Variants in PTPN7 observed in about 807,000 individuals in gnomAD.
The protein encoded by PTPN7 is tyrosine-protein phosphatase non-receptor type 7.
In PTPN7, 33 loss-of-function variants were observed where a neutral mutation model predicts 50.3. That is an observed-to-expected ratio of 0.66 (90% CI 0.50 to 0.88). The LOEUF (loss-of-function observed/expected upper bound fraction) is 0.88. Ranked by LOEUF, PTPN7 falls within the 40% of genes least tolerant of loss-of-function variation. The pLI, the probability that PTPN7 is intolerant of heterozygous loss-of-function variation, is 0.00. For missense variants in PTPN7, 412 were observed against 475.4 expected, an observed-to-expected ratio of 0.87 and a Z score of 1.24; for synonymous variants, 185 against 186.6, an observed-to-expected ratio of 0.99 and a Z score of 0.07.
In PTPN7 at chr1:202,159,451, C is replaced by T; in HGVS notation, c.-49G>A. On this transcript the variant is annotated 5_prime_UTR_variant, in exon 2 of 10. Transcript: ENST00000691036. This position sits in a 1 kb window ranked among gnomAD's most constrained non-coding sequence, Gnocchi z 4.6. Reference sequence around the variant, plus strand: ...GGGGAGGCTCACTCAGCCATGAGGTCTGCCTGAAAGACAGGGCCCTCCGCT... The same window carrying T: ...GGGGAGGCTCACTCAGCCATGAGGTTTGCCTGAAAGACAGGGCCCTCCGCT... 6.2e-7 allele frequency: 1 copy of T among 1,612,570 alleles called. No individual in the cohort carries two copies. The highest frequency in any genetic ancestry group is 8.5e-7 in the Non-Finnish European group (1 of 1,178,776).
rs551609824 is a variant in PTPN7 at position 202,159,917 on chromosome 1, C to G, written c.-52-463G>C. 9.9e-7 allele frequency: 1 copy of G among 1,010,538 alleles called. No individual in the cohort carries two copies. Among genetic ancestry groups the G allele is most frequent in the South Asian group, 4.4e-5 (1 of 22,704 alleles). The allele number at this position is 1,010,538 out of a possible 1,614,324, so 62.6% of individuals were successfully genotyped here. A position where few individuals can be genotyped will look rare whatever the true frequency, so the allele number is the denominator to read the frequency against. On this transcript the variant is annotated intron_variant, in intron 1 of 9. Transcript: ENST00000691036. The surrounding 1 kb of genome is among the most constrained non-coding windows in gnomAD (Gnocchi z 4.6). ...GCAGTGTTGGAGCTGGTTGGGCAGC[C>G]AGGCAGGCGGGCTCCTGGACCCCAG...
chr1:202,161,163 T>C, upstream of PTPN7: 1 of 1,152,274 alleles, frequency 8.7e-7, no homozygotes, highest in Non-Finnish European at 1.1e-6. Flanking sequence ...CAAGAATCCA[T>C]GCCTCACAAT....
rs1657061812 is a variant in PTPN7 at position 202,159,289 on chromosome 1, C to T, written c.114G>A (p.Leu38=). 6.2e-7 allele frequency: 1 copy of T among 1,614,168 alleles called. No homozygotes were observed. The highest frequency in any genetic ancestry group is 8.5e-7 in the Non-Finnish European group (1 of 1,179,982). ...CCCAGGGAAGATCTCACCTCTCCTG[C>T]AGTCGCACATGCTTCTTGGCTGGCG... The part of the protein sequence containing the change: ...EKTPAKKHVR[L]QERRGSNVAL... Residue 38 remains leucine, a synonymous_variant, in exon 2 of 10, where the codon CTG becomes CTA. Coordinates refer to ENST00000691036, the MANE Select transcript of PTPN7 (RefSeq NM_002832.4). The surrounding 1 kb of genome is among the most constrained non-coding windows in gnomAD (Gnocchi z 4.6).
chr1:202,160,775 G>C, upstream of PTPN7: 1 of 1,550,836 alleles, frequency 6.4e-7, no homozygotes, highest in South Asian at 1.2e-5. The surrounding 1 kb of genome is among the most constrained non-coding windows in gnomAD (Gnocchi z 4.8). Context: ...CCGTTCCCTG[G>C]GAATGGGTGA....
At chr1:202,154,387 T>C in intron 5 of PTPN7, 64 bp from the exon 6 acceptor site, 1 of 1,549,782 alleles carries the variant, frequency 6.5e-7, no homozygotes, top group Non-Finnish European at 8.7e-7. Context: ...GGGGAGATCC[T>C]AGATGCCTCA....
intron 2 of PTPN7, 72 bp from the exon 3 acceptor site, chr1:202,158,373 T>A (rs1490763322): frequency 1.7e-5 from 26 of 1,499,086 alleles, no homozygotes; most frequent in Non-Finnish European, 2.4e-5. Context: ...TTATCTTTTC[T>A]TTTAGAGATA....
Position 202,153,785 on chromosome 1 carries a change from C to T in PTPN7, c.657G>A (p.Gln219=). 6.2e-7 allele frequency: 1 copy of T among 1,614,110 alleles called. No homozygotes were observed. The highest frequency in any genetic ancestry group is 8.5e-7 in the Non-Finnish European group (1 of 1,179,994). ...ACTCTTTCATGTCCTGGATGCGGAT[C>T]TGGAAGGGTCCATAGGTTTCCTCTT... is the stretch of plus-strand genomic sequence containing the variant. ...PTEEETYGPF[Q]IRIQDMKECP... is the part of the protein sequence containing the mutation. The change falls in exon 7 of 10, where the codon CAG becomes CAA. Residue 219 remains glutamine (Q), a synonymous_variant. Coordinates refer to ENST00000691036, the MANE Select transcript of PTPN7 (RefSeq NM_002832.4).
In PTPN7 at chr1:202,148,614, T is replaced by C. The variant is rs1226989960; in HGVS notation, c.1075A>G (p.Ser359Gly). 1.2e-6 allele frequency: 2 copies of C among 1,613,796 alleles called. No homozygotes were observed. The highest frequency in any genetic ancestry group is 1.7e-6 in the Non-Finnish European group (2 of 1,179,920). Residue 359 changes from serine (S) to glycine (G), a missense_variant, in exon 10 of 10, where the codon AGC becomes GGC. Coordinates refer to ENST00000691036, the MANE Select transcript of PTPN7 (RefSeq NM_002832.4). Reference sequence around the variant, plus strand: ...CCGGAGGGTGGCAGGGGTCAGGGGCTGGGTTCCTCAGGCAGCTGGCCTGCA... The same window carrying C: ...CCGGAGGGTGGCAGGGGTCAGGGGCCGGGTTCCTCAGGCAGCTGGCCTGCA... ...LYAGQLPEEP[S>G]P
In PTPN7 at chr1:202,153,935, T is replaced by C. The variant is rs528980336; in HGVS notation, c.607-100A>G. On this transcript the variant is annotated intron_variant, in intron 6 of 9. Coordinates refer to ENST00000691036, the MANE Select transcript of PTPN7 (RefSeq NM_002832.4). The stretch of plus-strand genomic sequence containing the variant: ...TCTCCTCCCCATCCTCCACCCCTAC[T>C]GGATGGGAGGTCAGCAACAGGGAGC... 8 of 1,083,370 alleles carry C rather than the reference T, an allele frequency of 7.4e-6. No homozygotes were observed. In the South Asian group the frequency reaches 9.2e-5, roughly 12 times the overall value. 67.1% of individuals were successfully genotyped at this position (1,083,370 alleles called of 1,614,324 possible).
At chr1:202,161,195 A>G, upstream of PTPN7, 2 of 1,121,754 alleles carry the variant, frequency 1.8e-6, no homozygotes, top group Non-Finnish European at 2.2e-6. Context: ...GGCCGGGGCC[A>G]GGCCAAAAAG....
In PTPN7 at chr1:202,147,994, G is replaced by C. The variant is rs1033177045; in HGVS notation, c.*612C>G. 3.3e-5 allele frequency: 5 copies of C among 152,266 alleles called. No homozygotes were observed. Among genetic ancestry groups the C allele is most frequent in the African/African-American group, 1.2e-4 (5 of 41,448 alleles). The allele number at this position is 152,266 out of a possible 1,614,324, so 9.4% of individuals were successfully genotyped here. On this transcript the variant is annotated 3_prime_UTR_variant, in exon 10 of 10. Coordinates refer to ENST00000691036, the MANE Select transcript of PTPN7 (RefSeq NM_002832.4). ...AACCAGAGTCCTTGTTCTTTCTTTT[G>C]ATTGGGGTCATCCAGCCCTTCCGAT...
At chr1:202,151,815 C>A (rs952627946) in intron 8 of PTPN7, among the ~76,000 whole-genome samples, 1 of 152,188 alleles carries the variant, frequency 6.6e-6, no homozygotes, top group Non-Finnish European at 1.5e-5. Flanking sequence ...CTGCACCCAG[C>A]CTAATCTGCC....
chr1:202,149,932 A>C (rs1434195670), intron 9 of PTPN7: 1 of 154,854 alleles, frequency 6.5e-6, no homozygotes, highest in Non-Finnish European at 1.4e-5. Context: ...TCCTGGGTTC[A>C]AGCAATTGTC....
intron 9 of PTPN7, 145 bp downstream of exon 9, chr1:202,150,166 G>A: frequency 1.5e-6 from 1 of 660,832 alleles, no homozygotes; most frequent in Non-Finnish European, 2.6e-6. Flanking sequence ...GTTGTTAGTT[G>A]TAAAATAAAC....
intron 8 of PTPN7, among the ~76,000 whole-genome samples, chr1:202,152,097 G>A (rs1278193777): frequency 1.3e-5 from 2 of 152,122 alleles, no homozygotes; most frequent in Admixed American, 6.5e-5. Flanking sequence ...TTTTAGTAGA[G>A]ACAGGTTTTC....
chr1:202,160,874 C>T, upstream of PTPN7: 1 of 1,470,980 alleles, frequency 6.8e-7, no homozygotes, highest in Non-Finnish European at 9.0e-7. The surrounding 1 kb of genome is among the most constrained non-coding windows in gnomAD (Gnocchi z 4.8). Flanking sequence ...TTTGTCACAT[C>T]CAGCCGCTGC....
chr1:202,155,668 C>T, intron 4 of PTPN7, 59 bp from the exon 5 acceptor site: 1 of 1,412,010 alleles, frequency 7.1e-7, no homozygotes, highest in Non-Finnish European at 1.0e-6. Flanking sequence ...AACACAGACT[C>T]AAGCAGGGTC....
chr1:202,154,353 G>T (rs758950746), intron 5 of PTPN7, 30 bp from the exon 6 acceptor site: 16 of 1,595,050 alleles, frequency 1.0e-5, no homozygotes, highest in Non-Finnish European at 8.5e-7. Flanking sequence ...GGGAAGGGGT[G>T]GGGAGCAGTG....
At chr1:202,161,205 G>T (rs1328673812), upstream of PTPN7, 2 of 1,115,792 alleles carry the variant, frequency 1.8e-6, no homozygotes, top group African/African-American at 3.2e-5. Flanking sequence ...AGGCCAAAAA[G>T]GTCGTCTCCA....
Sources: gnomAD v4.1 joint callset for allele counts (sites outside exome capture counted in the v4.1 genomes callset) on GRCh38, gnomAD v4.1.1 for gene constraint, Gnocchi (gnomAD v3.1) non-coding constraint, MANE v1.5 for transcripts, NCBI Gene and HGNC (gene_info 2026-07-23, HGNC 2026-07-21) for gene names.